NEXN: variants seen among roughly 807,000 people sequenced by gnomAD.
NEXN encodes the protein nexilin.
NEXN carries 65 observed loss-of-function variants against 92.6 expected under a neutral mutation model. That is an observed-to-expected ratio of 0.70 (90% CI 0.57 to 0.86). The LOEUF (loss-of-function observed/expected upper bound fraction) is 0.86, where lower values mean the gene tolerates loss of function less well. NEXN is among the 40% of genes least tolerant of loss of function. The probability of loss-of-function intolerance (pLI) is 0.00; values close to 1 mark genes in which losing one functional copy is unlikely to be tolerated. For synonymous variants in NEXN, 254 were observed against 242.5 expected (o/e 1.05, Z -0.44); for missense variants, 778 against 771.1 (o/e 1.01, Z -0.11).
intron 9 of NEXN, among the ~76,000 whole-genome samples, chr1:77,931,321 G>A (rs1324546001): frequency 6.8e-6 from 1 of 147,016 alleles, no homozygotes; most frequent in Non-Finnish European, 1.5e-5. Context: ...GCTGAGGCAG[G>A]AGAATCGCAT....
At position 77,933,330 on chromosome 1, in the gene NEXN, T is replaced by C; in HGVS notation, c.1102T>C (p.Phe368Leu). The change falls in exon 10 of 13, where the codon TTT becomes CTT. Residue 368 changes from phenylalanine to leucine, a missense_variant. This residue lies in a region of NEXN where 532 missense variants were observed against 476.7 expected (regional missense o/e 1.12). Coordinates refer to ENST00000334785, the MANE Select transcript of NEXN (RefSeq NM_144573.4). ...GATGTATAAGACAATCTCTCAAGAA[T>C]TTCTTACACCGGGAAAACTGGAAAT... ...PEMYKTISQE[F>L]LTPGKLEINF... 1 of 1,610,136 alleles carries C rather than the reference T, an allele frequency of 6.2e-7. No homozygotes were observed. Among genetic ancestry groups the C allele is most frequent in the Non-Finnish European group, 8.5e-7 (1 of 1,177,552 alleles).
chr1:77,915,771 A>G (rs1648928278), intron 1 of NEXN, among the ~76,000 whole-genome samples: 1 of 152,344 alleles, frequency 6.6e-6, no homozygotes, highest in African/African-American at 2.4e-5. Flanking sequence ...TTTATAGAGT[A>G]ATACACTCAG....
intron 10 of NEXN, 63 bp downstream of exon 10, chr1:77,933,542 A>C: frequency 8.7e-7 from 1 of 1,149,896 alleles, no homozygotes; most frequent in South Asian, 1.3e-5. Flanking sequence ...TACTTATATC[A>C]CCTTATAATA....
In NEXN at chr1:77,933,498, T is replaced by C. The variant is rs1423566546; in HGVS notation, c.1251+19T>C. ...GGGAGAGGTAAGATTTTAAGAAATA[T>C]CTATATTCCCCATATTTATTAAGCT... On this transcript the variant is annotated intron_variant, in intron 10 of 12. Coordinates refer to ENST00000334785, the MANE Select transcript of NEXN (RefSeq NM_144573.4). 11 of 1,495,182 alleles carry C rather than the reference T, an allele frequency of 7.4e-6. No homozygotes were observed. Among genetic ancestry groups the C allele is most frequent in the Non-Finnish European group, 1.0e-5 (11 of 1,073,810 alleles). The allele number at this position is 1,495,182 out of a possible 1,614,324, so 92.6% of individuals were successfully genotyped here.
At chr1:77,903,270 C>A (rs1016679196) in intron 1 of NEXN, among the ~76,000 whole-genome samples, 1 of 150,818 alleles carries the variant, frequency 6.6e-6, no homozygotes, top group South Asian at 2.1e-4. Flanking sequence ...GCTAGAAGTT[C>A]TTCTGGAACT....
At chr1:77,903,692 T>C (rs919074581) in intron 1 of NEXN, among the ~76,000 whole-genome samples, 2 of 152,154 alleles carry the variant, frequency 1.3e-5, no homozygotes, top group Non-Finnish European at 2.9e-5. Flanking sequence ...ATGTTGACTA[T>C]TAATATATAT....
chr1:77,890,708 TA>T (rs1156623907), intron 1 of NEXN, among the ~76,000 whole-genome samples: 1 of 152,006 alleles, frequency 6.6e-6, no homozygotes, highest in Admixed American at 6.6e-5. Flanking sequence ...CTTCATTTAT[TA>T]AAAAAAATAC....
At chr1:77,932,689 A>G (rs1650400068) in intron 9 of NEXN, among the ~76,000 whole-genome samples, 1 of 151,160 alleles carries the variant, frequency 6.6e-6, no homozygotes. Flanking sequence ...GTATGAATAA[A>G]TTATTTCTTT....
intron 8 of NEXN, among the ~76,000 whole-genome samples, chr1:77,927,512 T>C (rs1199066383): frequency 2.6e-5 from 4 of 152,236 alleles, no homozygotes; most frequent in East Asian, 3.9e-4. Context: ...TTTGAACATA[T>C]CAAAATAACA....
At chr1:77,926,016 GA>G (rs1649812867) in intron 6 of NEXN, among the ~76,000 whole-genome samples, 1 of 152,010 alleles carries the variant, frequency 6.6e-6, no homozygotes, top group South Asian at 2.1e-4. Context: ...TGCATAGAGA[GA>G]AAAATCATAT....
intron 10 of NEXN, among the ~76,000 whole-genome samples, chr1:77,935,290 G>A (rs1650658504): frequency 1.3e-5 from 2 of 152,042 alleles, no homozygotes; most frequent in Admixed American, 1.3e-4. Flanking sequence ...TGCCTACCTT[G>A]GCCTCCCTAA....
intron 1 of NEXN, among the ~76,000 whole-genome samples, chr1:77,906,017 A>G (rs1453690117): frequency 1.3e-5 from 2 of 152,154 alleles, no homozygotes; most frequent in Non-Finnish European, 2.9e-5. Flanking sequence ...AAAGTGGACA[A>G]TGAGAAGAAA....
chr1:77,889,057 CTT>C (rs1447757281), intron 1 of NEXN: 1 of 152,896 alleles, frequency 6.5e-6, no homozygotes. Flanking sequence ...GTTGCAATGT[CTT>C]TGCCCTGCTC....
At chr1:77,934,451 T>G (rs1165560091) in intron 10 of NEXN, among the ~76,000 whole-genome samples, 1 of 152,240 alleles carries the variant, frequency 6.6e-6, no homozygotes, top group Admixed American at 6.5e-5. Flanking sequence ...AGCCACTGTC[T>G]TGAAATTCTT....
rs182570027 is a variant in NEXN, at chr1:77,919,925, A to C, written c.447+1652A>C. Reference sequence around the variant, plus strand: ...CTTTTTTTTTTTTTAATTGAGACGGAGTCTCGCTCTGTCACCCAGGCTGGA... The same window carrying C: ...CTTTTTTTTTTTTTAATTGAGACGGCGTCTCGCTCTGTCACCCAGGCTGGA... On this transcript the variant is annotated intron_variant, in intron 5 of 12. Transcript: ENST00000334785. 3.0e-3 allele frequency among the ~76,000 whole-genome samples: 442 copies of C among 145,984 alleles called. 2 individuals are homozygous for C. The highest frequency in any genetic ancestry group is 0.011 in the African/African-American group (427 of 39,050).
chr1:77,900,497 T>G lies in NEXN; in HGVS notation c.-53+11738T>G, dbSNP rs184152374. Among the ~76,000 whole-genome samples the G allele has an allele frequency of 1.2e-4, 19 of 152,318 alleles. 1 individual carries two copies. In the East Asian group the frequency reaches 3.5e-3, roughly 28 times the overall value. On this transcript the variant is annotated intron_variant, in intron 1 of 12. Transcript: ENST00000334785. ...TTTCGTATCCCATTGCCAGGCATAC[T>G]TTTTGGCATACAGCAGATTCTCCTT...
chr1:77,925,270 T>C (rs1395530822), intron 6 of NEXN, 41 bp downstream of exon 6: 1 of 1,361,168 alleles, frequency 7.3e-7, no homozygotes, highest in Non-Finnish European at 1.0e-6. Flanking sequence ...CACCTAAAAT[T>C]ATCTGATTCA....
At chr1:77,925,108 A>G (rs1014994709) in intron 5 of NEXN, 80 bp from the exon 6 acceptor site, 19 of 902,658 alleles carry the variant, frequency 2.1e-5, no homozygotes, top group Non-Finnish European at 3.4e-5. Flanking sequence ...AGTCACAACT[A>G]AATTACTTTC....
In NEXN at chr1:77,942,977, CTGTGGCGG is replaced by C. The variant is rs1651526729; in HGVS notation, c.*149_*156del. 6 of 1,165,448 alleles carry C rather than the reference CTGTGGCGG, an allele frequency of 5.1e-6. No homozygotes were observed. The highest frequency in any genetic ancestry group is 7.4e-6 in the Non-Finnish European group (6 of 806,598). 72.2% of individuals were successfully genotyped at this position (1,165,448 alleles called of 1,614,324 possible). On this transcript the variant is annotated 3_prime_UTR_variant, in exon 13 of 13. Transcript: ENST00000334785. The stretch of plus-strand genomic sequence containing the variant: ...AACTTTCTTACTACATCCATCTTTT[CTGTGGCGG>C]GGCCAAAAAAGGAAACCAGGAGTGC...
Sources: allele counts gnomAD v4.1 joint callset (sites outside exome capture counted in the v4.1 genomes callset), GRCh38; gene constraint gnomAD v4.1.1; regional missense constraint gnomAD v4.1.1; transcripts MANE v1.5; gene names NCBI Gene and HGNC (gene_info 2026-07-23, HGNC 2026-07-21).